The following INSL6 variants were observed in gnomAD, a reference collection of about 807,000 sequenced individuals.
The protein encoded by INSL6 is insulin like 6.
INSL6 carries 16 observed loss-of-function variants against 9.4 expected under a neutral mutation model. That is an observed-to-expected ratio of 1.70 (90% CI 1.15 to 2.59). The LOEUF (loss-of-function observed/expected upper bound fraction) is 2.59. Among genes scored for constraint, INSL6 ranks in the 30% most tolerant of loss-of-function variants. The pLI, the probability that INSL6 is intolerant of heterozygous loss-of-function variation, is 0.00. For missense variants in INSL6, 391 were observed against 257.3 expected (o/e 1.52, Z -3.56); for synonymous variants, 154 against 96.9 (o/e 1.59, Z -3.46).
intron 1 of INSL6, among the ~76,000 whole-genome samples, chr9:5,166,638 A>C (rs1224140067): frequency 6.6e-6 from 1 of 152,244 alleles, no homozygotes; most frequent in Non-Finnish European, 1.5e-5. Flanking sequence ...ACCTAAGTGT[A>C]CCAACAATAT....
At chr9:5,071,710 G>T in the INSL6 span, among the ~76,000 whole-genome samples, 1 of 152,088 alleles carries the variant, frequency 6.6e-6, no homozygotes, top group Non-Finnish European at 1.5e-5. Context: ...AGCTCTATAA[G>T]GAGACAATAG....
At chr9:5,106,823 C>G in the INSL6 span, among the ~76,000 whole-genome samples, 6 of 152,160 alleles carry the variant, frequency 3.9e-5, no homozygotes, top group East Asian at 9.6e-4. Context: ...ACTGCATGTT[C>G]TCACTCATAG....
At chr9:5,134,505 C>T (rs943110164) in intron 2 of INSL6, among the ~76,000 whole-genome samples, 1 of 152,176 alleles carries the variant, frequency 6.6e-6, no homozygotes, top group Non-Finnish European at 1.5e-5. Flanking sequence ...CTGCAGAAAC[C>T]CTACAAGCCA....
At chr9:5,119,715 T>C (rs371078358), downstream of INSL6, among the ~76,000 whole-genome samples, 2 of 152,092 alleles carry the variant, frequency 1.3e-5, no homozygotes, top group African/African-American at 4.8e-5. Context: ...AATTCTGACT[T>C]TGGGGAATAA....
chr9:5,045,669 T>C, the INSL6 span, among the ~76,000 whole-genome samples: 1 of 152,166 alleles, frequency 6.6e-6, no homozygotes, highest in Non-Finnish European at 1.5e-5. Flanking sequence ...TTATATAGCA[T>C]TTGTCCTTTT....
intron 1 of INSL6, among the ~76,000 whole-genome samples, chr9:5,169,691 G>A (rs1264361988): frequency 6.6e-6 from 1 of 152,064 alleles, no homozygotes; most frequent in Non-Finnish European, 1.5e-5. Context: ...CCAAGCAAAT[G>A]GAAAACAGAA....
At chr9:5,174,537 T>C (rs1011476769) in intron 1 of INSL6, among the ~76,000 whole-genome samples, 5 of 152,346 alleles carry the variant, frequency 3.3e-5, no homozygotes, top group African/African-American at 1.2e-4. Flanking sequence ...TTCTGTTTCC[T>C]TTACAAGTTC....
the INSL6 span, among the ~76,000 whole-genome samples, chr9:5,084,437 G>T: frequency 2.0e-5 from 3 of 152,000 alleles, no homozygotes; most frequent in Non-Finnish European, 4.4e-5. Context: ...GTATCCCTTT[G>T]TTATCCTTTT....
the INSL6 span, among the ~76,000 whole-genome samples, chr9:5,047,860 C>G: frequency 2.0e-5 from 3 of 152,148 alleles, no homozygotes; most frequent in Non-Finnish European, 4.4e-5. Flanking sequence ...CTCAGCCTCC[C>G]AAAGTGCTGG....
the INSL6 span, chr9:5,111,634 G>C: frequency 2.6e-6 from 1 of 379,730 alleles, no homozygotes; most frequent in Admixed American, 3.5e-5. Context: ...TGCTGGGCGG[G>C]GGCTCATGCC....
the INSL6 span, among the ~76,000 whole-genome samples, chr9:5,036,447 G>A: frequency 1.8e-4 from 27 of 152,066 alleles, no homozygotes; most frequent in Non-Finnish European, 2.9e-4. Flanking sequence ...GAACAAAGCT[G>A]GAGGCATCAC....
chr9:5,017,585 C>T, the INSL6 span, among the ~76,000 whole-genome samples: 3 of 152,110 alleles, frequency 2.0e-5, no homozygotes, highest in South Asian at 2.1e-4. Flanking sequence ...TGTTGTTTGA[C>T]ATCTTTCTTC....
the INSL6 span, among the ~76,000 whole-genome samples, chr9:5,055,242 T>A: frequency 6.6e-6 from 1 of 152,108 alleles, no homozygotes; most frequent in Non-Finnish European, 1.5e-5. Context: ...GATTTTATGA[T>A]AATATATACC....
At chr9:5,140,044 G>T (rs549542176) in intron 2 of INSL6, among the ~76,000 whole-genome samples, 1 of 152,178 alleles carries the variant, frequency 6.6e-6, no homozygotes, top group South Asian at 2.1e-4. Context: ...ACATTAAATA[G>T]TACATTTCTA....
chr9:5,028,955 A>T, the INSL6 span, among the ~76,000 whole-genome samples: 2 of 152,166 alleles, frequency 1.3e-5, no homozygotes, highest in East Asian at 3.8e-4. Context: ...TCATTTATGT[A>T]TTTACTGCAG....
chr9:5,119,443 T>C (rs1046691461), downstream of INSL6, among the ~76,000 whole-genome samples: 6 of 152,006 alleles, frequency 3.9e-5, no homozygotes, highest in African/African-American at 1.4e-4. Flanking sequence ...AAAAAAAGGC[T>C]TCAAATTATA....
At chr9:5,001,535 C>A in the INSL6 span, among the ~76,000 whole-genome samples, 1 of 152,030 alleles carries the variant, frequency 6.6e-6, no homozygotes, top group East Asian at 1.9e-4. Context: ...TGGAATAAAA[C>A]CCACTTGGTG....
chr9:5,184,385 T>C (rs1393362898), intron 1 of INSL6, among the ~76,000 whole-genome samples: 1 of 152,210 alleles, frequency 6.6e-6, no homozygotes, highest in Non-Finnish European at 1.5e-5. Flanking sequence ...TGACAAATCA[T>C]ACTGGGACTA....
chr9:5,183,476 G>A (rs1386750163), intron 1 of INSL6, among the ~76,000 whole-genome samples: 1 of 152,040 alleles, frequency 6.6e-6, no homozygotes, highest in Non-Finnish European at 1.5e-5. Flanking sequence ...ATTCTTCCAG[G>A]GGAGTGTGAA....
Sources: gnomAD v4.1 joint callset for allele counts (sites outside exome capture counted in the v4.1 genomes callset) on GRCh38, gnomAD v4.1.1 for gene constraint, MANE v1.5 for transcripts, NCBI Gene and HGNC (gene_info 2026-07-23, HGNC 2026-07-21) for gene names.